The following EXOC3L2 variants were observed in gnomAD, a reference collection of about 807,000 sequenced individuals.
EXOC3L2 encodes the protein exocyst complex component 3-like protein 2.
In EXOC3L2, 17 loss-of-function variants were observed where a neutral mutation model predicts 44.4. The ratio of observed to expected loss-of-function variants is 0.38; its 90% confidence interval spans 0.26 to 0.57. The LOEUF (loss-of-function observed/expected upper bound fraction) is 0.57, where lower values mean the gene tolerates loss of function less well. Ranked by LOEUF, EXOC3L2 falls within the 20% of genes least tolerant of loss-of-function variation. EXOC3L2 has a pLI of 0.65. For synonymous variants in EXOC3L2, 256 were observed against 253.7 expected, an observed-to-expected ratio of 1.01 and a Z score of -0.09; for missense variants, 541 against 588.4, an observed-to-expected ratio of 0.92 and a Z score of 0.83.
In EXOC3L2 at chr19:45,228,144, CA is replaced by C; in HGVS notation, c.1371+20del. On this transcript the variant is annotated intron_variant, in intron 5 of 11. Coordinates refer to ENST00000413988, the MANE Select transcript of EXOC3L2 (RefSeq NM_001382422.1). Reference sequence around the variant, plus strand: ...CCCACTTTCCATCCAGCCCATCCCCCAGCCTCCCTCCACCTCCTACCTCACA... The same window carrying C: ...CCCACTTTCCATCCAGCCCATCCCCCGCCTCCCTCCACCTCCTACCTCACA... The C allele has an allele frequency of 6.2e-7, 1 of 1,613,898 alleles. No homozygotes were observed. Among genetic ancestry groups the C allele is most frequent in the Non-Finnish European group, 8.5e-7 (1 of 1,179,876 alleles).
At chr19:45,230,513 C>G (rs555449445) in intron 4 of EXOC3L2, among the ~76,000 whole-genome samples, 2 of 152,030 alleles carry the variant, frequency 1.3e-5, no homozygotes, top group African/African-American at 4.8e-5. Context: ...CCACTGTGCC[C>G]GGCCACAAAA....
At chr19:45,226,939 G>C (rs1969969330) in intron 7 of EXOC3L2, among the ~76,000 whole-genome samples, 1 of 146,182 alleles carries the variant, frequency 6.8e-6, no homozygotes, top group Non-Finnish European at 1.5e-5. Flanking sequence ...ATTCTTAGTA[G>C]AGACAAGGTT....
chr19:45,227,170 T>C (rs532741747), intron 7 of EXOC3L2, among the ~76,000 whole-genome samples: 2 of 150,530 alleles, frequency 1.3e-5, no homozygotes, highest in South Asian at 4.2e-4. Context: ...CAGGCTGGAG[T>C]GCAGTGGTGC....
rs555190100 is a variant in EXOC3L2, at chr19:45,225,620, C to CTT, written c.1584-709_1584-708dup. On this transcript the variant is annotated intron_variant, in intron 7 of 11. Coordinates refer to ENST00000413988, the MANE Select transcript of EXOC3L2 (RefSeq NM_001382422.1). ...TCTGAAACTGTACCCTTACTCTTCTCTTTTTTTTTTTTTTTTTTTGAGACA... is the reference window on the plus strand; with the variant it reads ...TCTGAAACTGTACCCTTACTCTTCTCTTTTTTTTTTTTTTTTTTTTTGAGACA... Among the ~76,000 whole-genome samples the CTT allele has an allele frequency of 1.3e-3, 165 of 125,280 alleles. 1 individual carries two copies. The highest frequency in any genetic ancestry group is 3.0e-3 in the African/African-American group (105 of 34,534). The allele number at this position is 125,280 out of a possible 152,430, so 82.2% of individuals were successfully genotyped here. A position where few individuals can be genotyped will look rare whatever the true frequency, so the allele number is the denominator to read the frequency against.
chr19:45,223,102 T>A (rs1969915701), intron 8 of EXOC3L2, among the ~76,000 whole-genome samples: 1 of 151,836 alleles, frequency 6.6e-6, no homozygotes, highest in Non-Finnish European at 1.5e-5. Flanking sequence ...GAAATACAAA[T>A]AAATAGGCAG....
At chr19:45,236,523 T>C (rs1173673944) in intron 2 of EXOC3L2, among the ~76,000 whole-genome samples, 1 of 134,534 alleles carries the variant, frequency 7.4e-6, no homozygotes, top group Non-Finnish European at 1.6e-5. Context: ...ATTGTGGAAG[T>C]GAGTTGGGCT....
At chr19:45,241,619 A>G (rs1454840839) in intron 1 of EXOC3L2, among the ~76,000 whole-genome samples, 1 of 152,024 alleles carries the variant, frequency 6.6e-6, no homozygotes, top group Non-Finnish European at 1.5e-5. Context: ...TGCACACGTC[A>G]CTAGTGCTGT....
intron 11 of EXOC3L2, among the ~76,000 whole-genome samples, chr19:45,215,346 C>T (rs1424609772): frequency 1.3e-5 from 2 of 151,964 alleles, no homozygotes; most frequent in Non-Finnish European, 2.9e-5. Flanking sequence ...TGGTGCATGC[C>T]TGTGGTCCCA....
chr19:45,244,846 C>G (rs907911262), intron 1 of EXOC3L2, among the ~76,000 whole-genome samples: 2 of 152,000 alleles, frequency 1.3e-5, no homozygotes, highest in Non-Finnish European at 2.9e-5. Context: ...AAACACAATC[C>G]TGTCATCAGC....
chr19:45,227,813 A>T, intron 6 of EXOC3L2, 41 bp from the exon 7 acceptor site: 1 of 1,580,980 alleles, frequency 6.3e-7, no homozygotes, highest in Non-Finnish European at 8.6e-7. Context: ...CCACTGGGTC[A>T]GGGTCCCTCG....
chr19:45,229,377 A>T (rs998269963), intron 4 of EXOC3L2, among the ~76,000 whole-genome samples: 1 of 146,164 alleles, frequency 6.8e-6, no homozygotes, highest in African/African-American at 2.5e-5. Context: ...TTTATATATT[A>T]AATATTAGTA....
rs2122957682 is a variant in EXOC3L2 at position 45,217,642 on chromosome 19, G to A, written c.1884C>T (p.Tyr628=). The part of the protein sequence containing the change: ...AELHRRALVE[Y]VRPLLRGRLR... ...GGCGCCCACGGAGCAGGGGCCGCAC[G>A]TACTCGACCAGCGCCCGCCGGTGTA... is the stretch of plus-strand genomic sequence containing the variant. The change falls in exon 10 of 12, where the codon TAC becomes TAT. Residue 628 remains tyrosine, a synonymous_variant. Coordinates refer to ENST00000413988, the MANE Select transcript of EXOC3L2 (RefSeq NM_001382422.1). 1.4e-6 allele frequency: 2 copies of A among 1,443,420 alleles called. No homozygotes were observed. Among genetic ancestry groups the A allele is most frequent in the Non-Finnish European group, 1.8e-6 (2 of 1,107,672 alleles). 89.4% of individuals were successfully genotyped at this position (1,443,420 alleles called of 1,614,324 possible). A position where few individuals can be genotyped will look rare whatever the true frequency, so the allele number is the denominator to read the frequency against.
intron 4 of EXOC3L2, 99 bp from the exon 5 acceptor site, chr19:45,228,365 CA>C: frequency 3.8e-6 from 4 of 1,048,146 alleles, no homozygotes; most frequent in Non-Finnish European, 5.6e-6. Context: ...CCCTTAACCC[CA>C]AGCAGTTCTG....
chr19:45,213,185 G>T lies in EXOC3L2; in HGVS notation c.2293C>A (p.Leu765Ile). 6.2e-7 allele frequency: 1 copy of T among 1,606,350 alleles called. No individual in the cohort carries two copies. Among genetic ancestry groups the T allele is most frequent in the South Asian group, 1.1e-5 (1 of 90,288 alleles). Residue 765 changes from leucine to isoleucine, a missense_variant, in exon 12 of 12, where the codon CTC becomes ATC. By Grantham distance (5) the Leu-to-Ile change is conservative. Coordinates refer to ENST00000413988, the MANE Select transcript of EXOC3L2 (RefSeq NM_001382422.1). ...CGGCCCAGGAAGAGAGGGAGGCTGA[G>T]ACAGAAAGATGGGCGGGGCACAGGG... ...DIPVPRPSFC[L>I]SLPLFLGRLP...
intron 8 of EXOC3L2, among the ~76,000 whole-genome samples, chr19:45,219,879 AATT>A (rs1190506357): frequency 2.0e-5 from 3 of 152,134 alleles, no homozygotes; most frequent in Non-Finnish European, 4.4e-5. Context: ...CTCATTGGAA[AATT>A]ATTAAGGGGC....
chr19:45,243,519 C>T (rs994975159), intron 1 of EXOC3L2, among the ~76,000 whole-genome samples: 2 of 152,222 alleles, frequency 1.3e-5, no homozygotes, highest in African/African-American at 4.8e-5. Flanking sequence ...CATGGGCCCC[C>T]GCCCCCACAG....
chr19:45,213,099 C>A lies in EXOC3L2; in HGVS notation c.2379G>T (p.Pro793=). Reference sequence around the variant, plus strand: ...GCTGGGCCCGAGGTCGCGCTAGAGACGGAGGCCGGGGCCGAGGCAGACAGG... The same window carrying A: ...GCTGGGCCCGAGGTCGCGCTAGAGAAGGAGGCCGGGGCCGAGGCAGACAGG... ...SLACLPRPRP[P]SLARPRAQR Residue 793 remains proline, a synonymous_variant, in exon 12 of 12, where the codon CCG becomes CCT. Transcript: ENST00000413988. 1 of 1,526,976 alleles carries A rather than the reference C, an allele frequency of 6.5e-7. No individual in the cohort carries two copies. The highest frequency in any genetic ancestry group is 8.8e-7 in the Non-Finnish European group (1 of 1,142,060). 94.6% of individuals were successfully genotyped at this position (1,526,976 alleles called of 1,614,324 possible).
Position 45,212,597 on chromosome 19 carries a change from C to CATT in EXOC3L2, c.*471_*472insAAT, listed in dbSNP as rs1185376275. 1 of 127,568 alleles carries CATT rather than the reference C, an allele frequency of 7.8e-6. No homozygotes were observed. The highest frequency in any genetic ancestry group is 3.3e-5 in the African/African-American group (1 of 30,546). The allele number at this position is 127,568 out of a possible 1,614,324, so 7.9% of individuals were successfully genotyped here. ...TCTCTTTGGCCTCTGTTTCCCCCTA[C>CATT]CTTTTTTTTTTTTTTTTTTTTTTGA... On this transcript the variant is annotated 3_prime_UTR_variant, in exon 12 of 12. Transcript: ENST00000413988.
chr19:45,239,172 G>T, intron 1 of EXOC3L2, 111 bp from the exon 2 acceptor site: 1 of 393,170 alleles, frequency 2.5e-6, no homozygotes, highest in Non-Finnish European at 4.5e-6. Context: ...ACTTGCCTGA[G>T]CACTTAATAA....
Sources: allele counts gnomAD v4.1 joint callset (sites outside exome capture counted in the v4.1 genomes callset), GRCh38; gene constraint gnomAD v4.1.1; transcripts MANE v1.5; gene names NCBI Gene and HGNC (gene_info 2026-07-23, HGNC 2026-07-21).